NRXN3: variants seen among roughly 807,000 people sequenced by gnomAD.
NRXN3 encodes the protein neurexin III.
NRXN3 carries 32 observed loss-of-function variants against 137.6 expected under a neutral mutation model. The observed-to-expected ratio is 0.23, with a 90% CI of 0.18 to 0.31. The LOEUF is 0.31. NRXN3 is among the 10% of genes least tolerant of loss of function. The pLI, the probability that NRXN3 is intolerant of heterozygous loss-of-function variation, is 1.00. For missense variants in NRXN3, 1,574 were observed against 2,062.5 expected (o/e 0.76, Z 4.59); for synonymous variants, 798 against 784.5 (o/e 1.02, Z -0.29).
At chr14:79,409,531 A>T (rs1052539458) in intron 15 of NRXN3, among the ~76,000 whole-genome samples, 3 of 149,308 alleles carry the variant, frequency 2.0e-5, no homozygotes, top group African/African-American at 7.4e-5. Flanking sequence ...ACATGTATAT[A>T]TGTAGTCTGT....
chr14:79,664,292 A>G (rs2098547846), intron 17 of NRXN3, among the ~76,000 whole-genome samples: 1 of 152,108 alleles, frequency 6.6e-6, no homozygotes. Context: ...GTCGATAATC[A>G]TAAGATGCTC....
chr14:78,520,379 A>G (rs542111699), intron 4 of NRXN3, among the ~76,000 whole-genome samples: 15 of 152,162 alleles, frequency 9.9e-5, no homozygotes, highest in Non-Finnish European at 1.8e-4. Context: ...GCAATTTATT[A>G]GTTGCTTGGG....
intron 10 of NRXN3, among the ~76,000 whole-genome samples, chr14:78,922,189 A>G (rs1199554787): frequency 6.6e-6 from 1 of 152,198 alleles, no homozygotes; most frequent in Non-Finnish European, 1.5e-5. Context: ...CTATATGGAT[A>G]TTCTATACCT....
intron 10 of NRXN3, among the ~76,000 whole-genome samples, chr14:78,954,018 G>A (rs2099391960): frequency 1.3e-5 from 2 of 152,102 alleles, no homozygotes; most frequent in South Asian, 4.1e-4. Context: ...ACTTCACTGG[G>A]TTTTTGCTTG....
chr14:79,122,328 C>T (rs1443047228), intron 15 of NRXN3, among the ~76,000 whole-genome samples: 1 of 152,112 alleles, frequency 6.6e-6, no homozygotes, highest in Non-Finnish European at 1.5e-5. Context: ...GGAAGCTTGG[C>T]TGAAAGAAAC....
chr14:78,901,097 T>C (rs1418858316), intron 10 of NRXN3, among the ~76,000 whole-genome samples: 1 of 152,010 alleles, frequency 6.6e-6, no homozygotes, highest in East Asian at 1.9e-4. Context: ...CATAAAAATA[T>C]TTTTTTCTAT....
chr14:79,628,437 A>T (rs574038795), intron 16 of NRXN3, among the ~76,000 whole-genome samples: 1 of 152,294 alleles, frequency 6.6e-6, no homozygotes, highest in South Asian at 2.1e-4. Context: ...TCTAGGTGAC[A>T]TCTGTATTCA....
intron 15 of NRXN3, among the ~76,000 whole-genome samples, chr14:79,306,040 A>T (rs2085993288): frequency 6.6e-6 from 1 of 152,082 alleles, no homozygotes; most frequent in South Asian, 2.1e-4. Context: ...CTGGATGAAA[A>T]TGTGTGATGT....
chr14:78,986,275 G>A (rs1227827442), intron 14 of NRXN3, among the ~76,000 whole-genome samples: 1 of 152,152 alleles, frequency 6.6e-6, no homozygotes, highest in African/African-American at 2.4e-5. Flanking sequence ...GTGAGTCAAA[G>A]GGCTCATCTC....
At chr14:78,824,163 T>C (rs900905488) in intron 10 of NRXN3, among the ~76,000 whole-genome samples, 1 of 142,378 alleles carries the variant, frequency 7.0e-6, no homozygotes, top group Non-Finnish European at 1.5e-5. Context: ...GAAAGAATCC[T>C]GGTTAAAGGT....
chr14:79,770,350 C>A (rs1008527011), intron 19 of NRXN3, among the ~76,000 whole-genome samples: 12 of 151,050 alleles, frequency 7.9e-5, no homozygotes, highest in Non-Finnish European at 1.5e-4. Context: ...CACACCTATT[C>A]CAAAATTGAC....
chr14:78,355,814 A>G (rs1222374406), intron 4 of NRXN3, among the ~76,000 whole-genome samples: 1 of 152,194 alleles, frequency 6.6e-6, no homozygotes, highest in Admixed American at 6.5e-5. Flanking sequence ...ATCAATCTTT[A>G]ATACATGATT....
intron 15 of NRXN3, among the ~76,000 whole-genome samples, chr14:79,417,790 A>C (rs2153527109): frequency 6.6e-6 from 1 of 152,262 alleles, no homozygotes; most frequent in South Asian, 2.1e-4. Context: ...GGATTGAAAA[A>C]GTTCAATCCC....
At chr14:79,231,564 G>T (rs186596510) in intron 15 of NRXN3, among the ~76,000 whole-genome samples, 2 of 152,146 alleles carry the variant, frequency 1.3e-5, no homozygotes, top group African/African-American at 2.4e-5. Context: ...ATGCTAATTT[G>T]TTTCTCCAGG....
At chr14:78,560,570 T>C (rs1298645360) in intron 4 of NRXN3, among the ~76,000 whole-genome samples, 1 of 152,212 alleles carries the variant, frequency 6.6e-6, no homozygotes, top group African/African-American at 2.4e-5. Flanking sequence ...CCTCGCTAGC[T>C]GCAGGCCTCT....
intron 15 of NRXN3, among the ~76,000 whole-genome samples, chr14:79,336,331 C>T (rs2092258225): frequency 1.3e-5 from 2 of 152,160 alleles, no homozygotes; most frequent in East Asian, 1.9e-4. Flanking sequence ...GACAATCCTA[C>T]ACCTCTGTGA....
chr14:78,192,508 C>T (rs2060844841), intron 1 of NRXN3, among the ~76,000 whole-genome samples: 2 of 152,136 alleles, frequency 1.3e-5, no homozygotes, highest in Non-Finnish European at 2.9e-5. Flanking sequence ...TGAGTACCTG[C>T]TGGGTTCAGA....
At chr14:78,917,454 G>A (rs573662216) in intron 10 of NRXN3, among the ~76,000 whole-genome samples, 14 of 152,004 alleles carry the variant, frequency 9.2e-5, no homozygotes, top group Non-Finnish European at 1.6e-4. Context: ...CCCTTAAACC[G>A]AAAATTAAAG....
chr14:78,323,403 T>A (rs980194213), intron 4 of NRXN3, among the ~76,000 whole-genome samples: 1 of 151,978 alleles, frequency 6.6e-6, no homozygotes, highest in Admixed American at 6.5e-5. Context: ...CTGCATAGCT[T>A]GGGTAAGACG....
Sources: gnomAD v4.1 joint callset for allele counts (sites outside exome capture counted in the v4.1 genomes callset) on GRCh38, gnomAD v4.1.1 for gene constraint, MANE v1.5 for transcripts, NCBI Gene and HGNC (gene_info 2026-07-23, HGNC 2026-07-21) for gene names.